Variants in EDIL3 observed in about 807,000 individuals in gnomAD.
EDIL3 encodes EGF like and discoidin domains 3.
In EDIL3, 37 loss-of-function variants were observed where a neutral mutation model predicts 67.4. The ratio of observed to expected loss-of-function variants is 0.55; its 90% CI spans 0.42 to 0.72. The LOEUF (loss-of-function observed/expected upper bound fraction) is 0.72. EDIL3 is among the 30% of genes least tolerant of loss of function. The probability of loss-of-function intolerance (pLI) is 0.00; values close to 1 mark genes in which losing one functional copy is unlikely to be tolerated. For missense variants in EDIL3, 527 were observed against 586.3 expected (o/e 0.90, Z 1.04); for synonymous variants, 195 against 196.3 (o/e 0.99, Z 0.05).
chr5:84,103,724 C>T (rs573055400), intron 6 of EDIL3, among the ~76,000 whole-genome samples: 54 of 151,948 alleles, frequency 3.6e-4, no homozygotes, highest in Admixed American at 4.6e-4. Flanking sequence ...ATAATAGATG[C>T]TGGCAAGGTT....
Position 84,198,317 on chromosome 5 carries a change from G to A in EDIL3, c.227-17796C>T, listed in dbSNP as rs1417017560. Among the ~76,000 whole-genome samples the A allele has an allele frequency of 3.3e-5, 5 of 152,040 alleles. No individual in the cohort carries two copies. In the East Asian group the frequency reaches 9.7e-4, roughly 29 times the overall value. On this transcript the variant is annotated intron_variant, in intron 3 of 10. Transcript: ENST00000296591. ...TAGAATTCTTGGTCTTGGCTAGTAAGGGAAGAGAGGTCAGCCTTTAAGGAA... is the reference window on the plus strand; with the variant it reads ...TAGAATTCTTGGTCTTGGCTAGTAAAGGAAGAGAGGTCAGCCTTTAAGGAA...
chr5:83,981,755 T>G (rs2112149383), intron 9 of EDIL3, among the ~76,000 whole-genome samples: 1 of 152,210 alleles, frequency 6.6e-6, no homozygotes, highest in African/African-American at 2.4e-5. Context: ...TCTTTATTTT[T>G]ACTTTTTGTA....
chr5:84,166,180 C>T (rs1300917299), intron 4 of EDIL3, among the ~76,000 whole-genome samples: 2 of 152,170 alleles, frequency 1.3e-5, no homozygotes, highest in Non-Finnish European at 2.9e-5. Flanking sequence ...CACCAAAAAT[C>T]TAATAAACAC....
intron 9 of EDIL3, among the ~76,000 whole-genome samples, chr5:83,982,738 G>C (rs779512553): frequency 7.2e-5 from 11 of 152,136 alleles, no homozygotes; most frequent in Non-Finnish European, 1.5e-4. Context: ...CTCATCCTCT[G>C]AGTTAGTTTC....
intron 4 of EDIL3, among the ~76,000 whole-genome samples, chr5:84,172,691 A>G (rs1748833511): frequency 6.6e-6 from 1 of 152,210 alleles, no homozygotes; most frequent in African/African-American, 2.4e-5. Flanking sequence ...GTGGAAAAGT[A>G]TACTGTACAA....
At chr5:84,227,263 T>C (rs147594589) in intron 3 of EDIL3, among the ~76,000 whole-genome samples, 16 of 151,582 alleles carry the variant, frequency 1.1e-4, no homozygotes, top group East Asian at 7.7e-4. Flanking sequence ...CCAGTAAAAA[T>C]TGGGCAAAGG....
At chr5:84,264,559 C>T (rs190990112) in intron 1 of EDIL3, among the ~76,000 whole-genome samples, 5 of 152,136 alleles carry the variant, frequency 3.3e-5, no homozygotes, top group African/African-American at 7.2e-5. Context: ...TGATGAGGGT[C>T]GACAGCAAAG....
At chr5:84,110,015 T>C (rs1747531294) in intron 5 of EDIL3, among the ~76,000 whole-genome samples, 1 of 152,220 alleles carries the variant, frequency 6.6e-6, no homozygotes, top group African/African-American at 2.4e-5. Flanking sequence ...TACTTCTTTT[T>C]AGAGGACCTC....
intron 1 of EDIL3, among the ~76,000 whole-genome samples, chr5:84,262,263 A>G (rs182863839): frequency 6.6e-6 from 1 of 152,166 alleles, no homozygotes; most frequent in Non-Finnish European, 1.5e-5. Flanking sequence ...CCAGCCCTCC[A>G]CAGTTTCTTA....
At chr5:84,064,068 T>C (rs1311535739) in intron 8 of EDIL3, among the ~76,000 whole-genome samples, 1 of 152,168 alleles carries the variant, frequency 6.6e-6, no homozygotes, top group Non-Finnish European at 1.5e-5. Flanking sequence ...ACAAGAATTA[T>C]TTAACTCTGA....
intron 10 of EDIL3, among the ~76,000 whole-genome samples, chr5:83,944,205 T>C (rs961656947): frequency 2.6e-5 from 4 of 151,980 alleles, no homozygotes; most frequent in African/African-American, 4.8e-5. Flanking sequence ...TCTTCTCACA[T>C]AGAGAATAAA....
At chr5:83,968,782 G>T (rs927401587) in intron 9 of EDIL3, among the ~76,000 whole-genome samples, 2 of 151,994 alleles carry the variant, frequency 1.3e-5, no homozygotes, top group Non-Finnish European at 2.9e-5. Flanking sequence ...ATTTTTAAAA[G>T]AATTTATTTA....
intron 3 of EDIL3, among the ~76,000 whole-genome samples, chr5:84,195,894 A>C (rs1419807860): frequency 6.6e-6 from 1 of 151,990 alleles, no homozygotes; most frequent in Non-Finnish European, 1.5e-5. Flanking sequence ...GGAACCTGGG[A>C]AATTTCAAGG....
rs544493070 is a variant in EDIL3 at position 84,139,152 on chromosome 5, G to T, written c.356-1798C>A. 1.5e-4 allele frequency among the ~76,000 whole-genome samples: 23 copies of T among 152,034 alleles called. 1 individual carries two copies. The highest frequency in any genetic ancestry group is 5.5e-4 in the African/African-American group (23 of 41,482). ...CTCAGGAGACTGAGGCAAGAGAATT[G>T]CTTGAACCCTGAAGGCTGAGGTTGC... On this transcript the variant is annotated intron_variant, in intron 4 of 10. Transcript: ENST00000296591.
At chr5:84,307,563 T>G (rs1029314706) in intron 1 of EDIL3, among the ~76,000 whole-genome samples, 5 of 152,158 alleles carry the variant, frequency 3.3e-5, no homozygotes, top group Non-Finnish European at 7.4e-5. Context: ...ATTTGAAACA[T>G]TGCGCCAGCA....
intron 4 of EDIL3, among the ~76,000 whole-genome samples, chr5:84,175,014 G>A (rs564556007): frequency 6.6e-6 from 1 of 152,160 alleles, no homozygotes; most frequent in Non-Finnish European, 1.5e-5. Context: ...CTGCCAGGTG[G>A]AGGGTGTTAA....
At chr5:83,996,375 G>A (rs1354565424) in intron 9 of EDIL3, among the ~76,000 whole-genome samples, 1 of 152,200 alleles carries the variant, frequency 6.6e-6, no homozygotes, top group African/African-American at 2.4e-5. Context: ...AGAATACTGA[G>A]CAGCAGAAGG....
intron 5 of EDIL3, among the ~76,000 whole-genome samples, chr5:84,115,297 T>C (rs1747645158): frequency 6.6e-6 from 1 of 152,218 alleles, no homozygotes. Context: ...GCTATTTCCT[T>C]TAAAATGTGG....
At chr5:84,104,345 T>C (rs1747420156) in intron 6 of EDIL3, among the ~76,000 whole-genome samples, 1 of 150,988 alleles carries the variant, frequency 6.6e-6, no homozygotes, top group Admixed American at 6.6e-5. Flanking sequence ...GAAGTATACC[T>C]ATATAACAAA....
Sources: gnomAD v4.1 joint callset for allele counts (sites outside exome capture counted in the v4.1 genomes callset) on GRCh38, gnomAD v4.1.1 for gene constraint, MANE v1.5 for transcripts, NCBI Gene and HGNC (gene_info 2026-07-23, HGNC 2026-07-21) for gene names.